Variants in GALNT17 observed in about 807,000 individuals in gnomAD.
GALNT17 encodes polypeptide N-acetylgalactosaminyltransferase 17.
GALNT17 carries 29 observed loss-of-function variants against 63.7 expected under a neutral mutation model. The observed-to-expected ratio is 0.46, with a 90% confidence interval of 0.34 to 0.62. GALNT17 has a LOEUF of 0.62. Ranked by LOEUF, GALNT17 falls within the 20% of genes least tolerant of loss-of-function variation. The pLI, the probability that GALNT17 is intolerant of heterozygous loss-of-function variation, is 0.01. For missense variants in GALNT17, 603 were observed against 799.6 expected (o/e 0.75, Z 2.97); for synonymous variants, 305 against 318.3 (o/e 0.96, Z 0.45).
At chr7:71,490,240 G>A (rs1164292531) in intron 5 of GALNT17, among the ~76,000 whole-genome samples, 1 of 149,660 alleles carries the variant, frequency 6.7e-6, no homozygotes, top group Admixed American at 6.7e-5. Flanking sequence ...CTGGGTGATA[G>A]GGCGAGACTC....
At chr7:71,422,444 A>G (rs1468622959) in intron 5 of GALNT17, among the ~76,000 whole-genome samples, 1 of 152,240 alleles carries the variant, frequency 6.6e-6, no homozygotes, top group Non-Finnish European at 1.5e-5. Flanking sequence ...ACCATTCACA[A>G]GTTCCTAATC....
At chr7:71,379,580 G>A (rs1369727428) in intron 2 of GALNT17, among the ~76,000 whole-genome samples, 1 of 152,168 alleles carries the variant, frequency 6.6e-6, no homozygotes, top group Non-Finnish European at 1.5e-5. Flanking sequence ...ATGTCACACA[G>A]AGATCCTGAA....
At chr7:71,449,490 A>G (rs1356052235) in intron 5 of GALNT17, among the ~76,000 whole-genome samples, 8 of 152,070 alleles carry the variant, frequency 5.3e-5, no homozygotes, top group African/African-American at 1.4e-4. Flanking sequence ...CCTTAACTGC[A>G]GTCTGCAGAG....
intron 1 of GALNT17, among the ~76,000 whole-genome samples, chr7:71,188,762 T>C (rs960659023): frequency 6.6e-6 from 1 of 152,154 alleles, no homozygotes; most frequent in Non-Finnish European, 1.5e-5. Flanking sequence ...TCTTTGTTCT[T>C]ATTGCATTTG....
At chr7:71,144,866 C>T (rs1235842442) in intron 1 of GALNT17, among the ~76,000 whole-genome samples, 4 of 152,154 alleles carry the variant, frequency 2.6e-5, no homozygotes, top group African/African-American at 4.8e-5. Flanking sequence ...GTAGCTGGGA[C>T]TACAGGTGCA....
At chr7:71,557,678 A>G (rs1469581304) in intron 5 of GALNT17, among the ~76,000 whole-genome samples, 3 of 152,096 alleles carry the variant, frequency 2.0e-5, no homozygotes, top group Non-Finnish European at 4.4e-5. Context: ...GTAATCCCAG[A>G]TACTCGGGAG....
At chr7:71,624,713 A>G (rs944930363) in intron 6 of GALNT17, among the ~76,000 whole-genome samples, 2 of 152,218 alleles carry the variant, frequency 1.3e-5, no homozygotes, top group African/African-American at 2.4e-5. Flanking sequence ...TCTGCATTAA[A>G]TCATTCAAAA....
intron 1 of GALNT17, among the ~76,000 whole-genome samples, chr7:71,156,651 TG>T (rs1788241254): frequency 6.9e-6 from 1 of 144,294 alleles, no homozygotes; most frequent in African/African-American, 2.7e-5. Flanking sequence ...TTCCCCTCCC[TG>T]CCTCCCTTCC....
chr7:71,617,033 GAA>G (rs1426698883), intron 6 of GALNT17, among the ~76,000 whole-genome samples: 2 of 128,268 alleles, frequency 1.6e-5, no homozygotes, highest in Non-Finnish European at 3.3e-5. Flanking sequence ...TTAACTATAT[GAA>G]TATATAAATA....
intron 1 of GALNT17, among the ~76,000 whole-genome samples, chr7:71,232,555 T>C (rs1026428785): frequency 1.3e-5 from 2 of 152,120 alleles, no homozygotes; most frequent in Non-Finnish European, 2.9e-5. Flanking sequence ...AAATTGGGGC[T>C]TAACCTGGGA....
At chr7:71,683,872 G>C (rs892145894) in intron 9 of GALNT17, among the ~76,000 whole-genome samples, 3 of 151,956 alleles carry the variant, frequency 2.0e-5, no homozygotes, top group African/African-American at 7.3e-5. Context: ...GCCAGGTGTG[G>C]TGGTGGGCGC....
chr7:71,259,045 T>C (rs536529189), intron 1 of GALNT17, among the ~76,000 whole-genome samples: 13 of 152,220 alleles, frequency 8.5e-5, no homozygotes, highest in South Asian at 4.2e-4. Context: ...TCTAATGATA[T>C]TGCAATCACC....
At chr7:71,221,931 T>TG (rs1789593214) in intron 1 of GALNT17, among the ~76,000 whole-genome samples, 1 of 132,446 alleles carries the variant, frequency 7.6e-6, no homozygotes, top group East Asian at 2.3e-4. Context: ...TTTTTTTTTT[T>TG]GACGAAGTCT....
At chr7:71,578,629 A>T (rs1294110537) in intron 6 of GALNT17, among the ~76,000 whole-genome samples, 2 of 152,142 alleles carry the variant, frequency 1.3e-5, no homozygotes, top group African/African-American at 4.8e-5. Flanking sequence ...GCCGTGAGCC[A>T]CTGTGCCTGG....
At chr7:71,473,273 A>C (rs1463473275) in intron 5 of GALNT17, among the ~76,000 whole-genome samples, 1 of 152,210 alleles carries the variant, frequency 6.6e-6, no homozygotes, top group Non-Finnish European at 1.5e-5. Flanking sequence ...CAGAGAGAAT[A>C]GATGTTAAAT....
chr7:71,224,888 C>T (rs1264510610), intron 1 of GALNT17, among the ~76,000 whole-genome samples: 2 of 152,176 alleles, frequency 1.3e-5, no homozygotes, highest in Admixed American at 6.5e-5. Context: ...GAATATTCAA[C>T]CCATGAACCA....
chr7:71,227,470 C>T (rs866436002), intron 1 of GALNT17, among the ~76,000 whole-genome samples: 6 of 152,012 alleles, frequency 3.9e-5, no homozygotes, highest in East Asian at 3.9e-4. Context: ...GGAGGCCAGC[C>T]GTCCAAAAGC....
At chr7:71,405,330 A>T (rs956649101) in intron 3 of GALNT17, among the ~76,000 whole-genome samples, 7 of 152,152 alleles carry the variant, frequency 4.6e-5, no homozygotes, top group African/African-American at 1.7e-4. Flanking sequence ...GGGGACTGCT[A>T]TAAGAAGTAC....
chr7:71,285,835 A>G (rs1233893168), intron 1 of GALNT17, among the ~76,000 whole-genome samples: 5 of 152,192 alleles, frequency 3.3e-5, no homozygotes, highest in Non-Finnish European at 5.9e-5. Context: ...CACCCAGTCT[A>G]TGGTATTTTT....
Sources: allele counts gnomAD v4.1 joint callset (sites outside exome capture counted in the v4.1 genomes callset), GRCh38; gene constraint gnomAD v4.1.1; transcripts MANE v1.5; gene names NCBI Gene and HGNC (gene_info 2026-07-23, HGNC 2026-07-21).